SLC45A4: variants seen among roughly 807,000 people sequenced by gnomAD.
SLC45A4 encodes the protein solute carrier family 45 member 4, also known as polyamine-transporter SLC45A4.
A neutral mutation model predicts 63.7 loss-of-function variants in SLC45A4; 32 were observed. The observed-to-expected ratio is 0.50, with a 90% confidence interval of 0.38 to 0.67. The LOEUF is 0.67. SLC45A4 is among the 30% of genes least tolerant of loss of function. SLC45A4 has a pLI of 0.00. For synonymous variants in SLC45A4, 535 were observed against 510.0 expected (o/e 1.05, Z -0.66); for missense variants, 1,027 against 1,157.7 (o/e 0.89, Z 1.64).
At chr8:141,294,965 T>C (rs889652172) in intron 1 of SLC45A4, among the ~76,000 whole-genome samples, 1 of 152,128 alleles carries the variant, frequency 6.6e-6, no homozygotes, top group African/African-American at 2.4e-5. Context: ...TAATGGAGCA[T>C]TCACACCCGG....
At chr8:141,265,204 T>C (rs919646665) in intron 1 of SLC45A4, among the ~76,000 whole-genome samples, 7 of 152,238 alleles carry the variant, frequency 4.6e-5, no homozygotes, top group African/African-American at 1.7e-4. Context: ...CGAGGCCCTC[T>C]GGTCCTCCTC....
intron 8 of SLC45A4, 129 bp downstream of exon 8, chr8:141,212,068 C>T (rs1178361221): frequency 5.0e-6 from 7 of 1,408,654 alleles, no homozygotes; most frequent in Non-Finnish European, 5.5e-6. Flanking sequence ...CTGGCCCGCA[C>T]TGCCGGGTCG....
chr8:141,243,045 G>C (rs1208455130), intron 2 of SLC45A4, among the ~76,000 whole-genome samples: 1 of 152,226 alleles, frequency 6.6e-6, no homozygotes, highest in African/African-American at 2.4e-5. Context: ...AGAAAAACCT[G>C]CTAGAGTTGG....
intron 7 of SLC45A4, among the ~76,000 whole-genome samples, chr8:141,214,668 T>C (rs1404878411): frequency 6.6e-6 from 1 of 152,252 alleles, no homozygotes; most frequent in Non-Finnish European, 1.5e-5. Flanking sequence ...GGATTTCTAC[T>C]ACCAGTTTTC....
intron 2 of SLC45A4, among the ~76,000 whole-genome samples, chr8:141,246,786 T>TA (rs150323471): frequency 2.0e-5 from 3 of 151,678 alleles, no homozygotes; most frequent in Non-Finnish European, 2.9e-5. Flanking sequence ...AAGAAAAATA[T>TA]AAAAAAACCA....
intron 2 of SLC45A4, among the ~76,000 whole-genome samples, chr8:141,223,250 G>A (rs557070484): frequency 1.3e-5 from 2 of 152,302 alleles, no homozygotes; most frequent in East Asian, 3.9e-4. Flanking sequence ...ATTCCTACTC[G>A]GAGTCAGCAG....
chr8:141,277,806 A>AT (rs901493270), intron 1 of SLC45A4, among the ~76,000 whole-genome samples: 4 of 152,028 alleles, frequency 2.6e-5, no homozygotes, highest in African/African-American at 9.6e-5. Flanking sequence ...CGCCCGGCTA[A>AT]TTTTTTTGTA....
chr8:141,277,058 T>C (rs1829755714), intron 1 of SLC45A4, among the ~76,000 whole-genome samples: 1 of 152,214 alleles, frequency 6.6e-6, no homozygotes, highest in Admixed American at 6.5e-5. Context: ...CTTGGACACC[T>C]GCGAGCCAGG....
chr8:141,207,354 G>A lies in SLC45A4; in HGVS notation c.*4218C>T, dbSNP rs935252565. The A allele has an allele frequency of 6.6e-6, 1 of 152,198 alleles. No individual in the cohort carries two copies. Among genetic ancestry groups the A allele is most frequent in the Non-Finnish European group, 1.5e-5 (1 of 68,088 alleles). 9.4% of individuals were successfully genotyped at this position (152,198 alleles called of 1,614,324 possible). ...GCAAAGAAACAGAGCAGAACCTAAG[G>A]GCTCTGTGTACACACAGACACAAAC... On this transcript the variant is annotated 3_prime_UTR_variant, in exon 9 of 9. Transcript: ENST00000517878.
chr8:141,221,322 G>A (rs1826613795), intron 3 of SLC45A4, among the ~76,000 whole-genome samples: 1 of 152,284 alleles, frequency 6.6e-6, no homozygotes. Context: ...AGGACGTGGT[G>A]TCAGATACGC....
chr8:141,269,118 C>T (rs754783432), intron 1 of SLC45A4, among the ~76,000 whole-genome samples: 5 of 152,184 alleles, frequency 3.3e-5, no homozygotes, highest in Admixed American at 6.5e-5. Context: ...GTATAGGGAG[C>T]GCCACGAGCT....
chr8:141,267,192 T>C (rs572220235), intron 1 of SLC45A4, among the ~76,000 whole-genome samples: 1 of 152,390 alleles, frequency 6.6e-6, no homozygotes, highest in South Asian at 2.1e-4. Context: ...CCTTGGACTC[T>C]GGCCTTCCCT....
intron 1 of SLC45A4, among the ~76,000 whole-genome samples, chr8:141,306,901 C>T (rs1233827584): frequency 1.3e-5 from 2 of 152,152 alleles, no homozygotes; most frequent in African/African-American, 4.8e-5. Flanking sequence ...CTCCTCGCTC[C>T]GGGTCATAGA....
At chr8:141,217,379 G>C (rs527452004) in intron 5 of SLC45A4, among the ~76,000 whole-genome samples, 190 bp from the exon 6 acceptor site, 1 of 152,346 alleles carries the variant, frequency 6.6e-6, no homozygotes, top group South Asian at 2.1e-4. Flanking sequence ...CCCAGACCAC[G>C]AATGTTCTGT....
chr8:141,265,915 A>T (rs762922581), intron 1 of SLC45A4, among the ~76,000 whole-genome samples: 52 of 152,250 alleles, frequency 3.4e-4, no homozygotes, highest in Non-Finnish European at 4.0e-4. Flanking sequence ...AAGCGAAACT[A>T]CAATTGTTCC....
intron 2 of SLC45A4, among the ~76,000 whole-genome samples, chr8:141,231,176 C>T (rs1052955941): frequency 2.0e-5 from 3 of 152,114 alleles, no homozygotes; most frequent in Non-Finnish European, 2.9e-5. Flanking sequence ...AGGATGGGTG[C>T]GGAGGGTGGG....
At chr8:141,230,589 G>A (rs1027387101) in intron 2 of SLC45A4, among the ~76,000 whole-genome samples, 8 of 152,204 alleles carry the variant, frequency 5.3e-5, no homozygotes, top group Admixed American at 2.6e-4. Context: ...CTGGGGGGCC[G>A]CCAGGAGCAG....
At chr8:141,282,520 C>T (rs1659113330) in intron 1 of SLC45A4, among the ~76,000 whole-genome samples, 1 of 152,242 alleles carries the variant, frequency 6.6e-6, no homozygotes, top group South Asian at 2.1e-4. Flanking sequence ...CCATCGCTGC[C>T]CTCTCTCCAG....
At chr8:141,249,618 T>C (rs1828372406) in intron 2 of SLC45A4, among the ~76,000 whole-genome samples, 1 of 152,166 alleles carries the variant, frequency 6.6e-6, no homozygotes, top group Non-Finnish European at 1.5e-5. Flanking sequence ...TAGGTCCTAA[T>C]GGTGGCAGCC....
Sources: gnomAD v4.1 joint callset for allele counts (sites outside exome capture counted in the v4.1 genomes callset) on GRCh38, gnomAD v4.1.1 for gene constraint, MANE v1.5 for transcripts, NCBI Gene and HGNC (gene_info 2026-07-23, HGNC 2026-07-21) for gene names.